RIMBP2: variants seen among roughly 807,000 people sequenced by gnomAD.
The protein encoded by RIMBP2 is RIMS-binding protein 2.
RIMBP2 carries 48 observed loss-of-function variants against 118.6 expected under a neutral mutation model. The observed-to-expected ratio is 0.40, with a 90% CI of 0.32 to 0.51. The LOEUF (loss-of-function observed/expected upper bound fraction) is 0.51. Among genes scored for constraint, RIMBP2 ranks in the 20% least tolerant of loss-of-function variants. RIMBP2 has a pLI of 0.41. For missense variants in RIMBP2, 1,551 were observed against 1,768.3 expected (o/e 0.88, Z 2.20); for synonymous variants, 762 against 742.9 (o/e 1.03, Z -0.42).
intron 1 of RIMBP2, among the ~76,000 whole-genome samples, chr12:130,629,694 CAA>C (rs1314935198): frequency 1.3e-5 from 2 of 152,094 alleles, no homozygotes; most frequent in East Asian, 3.9e-4. Flanking sequence ...TCAAACTAGG[CAA>C]GAGACTGGAA....
chr12:130,546,496 G>A (rs972806973), intron 2 of RIMBP2, among the ~76,000 whole-genome samples: 5 of 151,972 alleles, frequency 3.3e-5, no homozygotes, highest in African/African-American at 7.3e-5. Context: ...GGGTTTTGCC[G>A]TGTTGGCCAG....
intron 1 of RIMBP2, among the ~76,000 whole-genome samples, chr12:130,643,389 G>A (rs1418127294): frequency 6.6e-6 from 1 of 152,198 alleles, no homozygotes; most frequent in East Asian, 1.9e-4. Context: ...GGAAGGCGGA[G>A]CCCAAACCTC....
chr12:130,548,728 C>T (rs1022115442), intron 2 of RIMBP2, among the ~76,000 whole-genome samples: 19 of 152,002 alleles, frequency 1.2e-4, no homozygotes, highest in Non-Finnish European at 5.9e-5. Context: ...CTCCCACCAC[C>T]GTGCCTGGCT....
intron 1 of RIMBP2, among the ~76,000 whole-genome samples, chr12:130,645,884 G>A (rs1391575367): frequency 6.6e-6 from 1 of 152,150 alleles, no homozygotes; most frequent in Non-Finnish European, 1.5e-5. Flanking sequence ...AGTCTTCCTT[G>A]CCTAACTAAA....
At chr12:130,597,778 T>C (rs183418588) in intron 2 of RIMBP2, among the ~76,000 whole-genome samples, 2 of 152,208 alleles carry the variant, frequency 1.3e-5, no homozygotes, top group Non-Finnish European at 2.9e-5. Flanking sequence ...TACTTGCAAT[T>C]AACAACCTTA....
intron 2 of RIMBP2, among the ~76,000 whole-genome samples, chr12:130,619,630 A>C (rs917806058): frequency 2.6e-5 from 4 of 152,216 alleles, no homozygotes; most frequent in African/African-American, 9.6e-5. Flanking sequence ...GCGACTGATC[A>C]GTGTGGATCT....
intron 1 of RIMBP2, among the ~76,000 whole-genome samples, chr12:130,639,164 G>A (rs1211913287): frequency 6.8e-6 from 1 of 147,908 alleles, no homozygotes; most frequent in African/African-American, 2.5e-5. Context: ...GAGGCGGGTA[G>A]ATCACCTGAG....
At chr12:130,631,807 T>G (rs2062012550) in intron 1 of RIMBP2, among the ~76,000 whole-genome samples, 2 of 152,222 alleles carry the variant, frequency 1.3e-5, no homozygotes. Context: ...AGCACGAGAT[T>G]GTTTCCATAT....
In RIMBP2 at chr12:130,576,882, G is replaced by A. The variant is rs1280512309; in HGVS notation, c.-217+51440C>T. Among the ~76,000 whole-genome samples, 2 of 152,206 alleles carry A rather than the reference G, an allele frequency of 1.3e-5. No homozygotes were observed. The highest frequency in any genetic ancestry group is 4.8e-5 in the African/African-American group (2 of 41,450). On this transcript the variant is annotated intron_variant, in intron 2 of 22. Transcript: ENST00000690449. This position sits in a 1 kb window ranked among gnomAD's most constrained non-coding sequence, Gnocchi z 4.2. Reference sequence around the variant, plus strand: ...AAATATCTCCATGTAGAAAGAGACCGACAGTGTGGCAGGAGTCGCGGGGTG... The same window carrying A: ...AAATATCTCCATGTAGAAAGAGACCAACAGTGTGGCAGGAGTCGCGGGGTG...
intron 2 of RIMBP2, among the ~76,000 whole-genome samples, chr12:130,554,319 AAGTACCTAGCACACAGGAAG>A (rs1254461983): frequency 6.6e-6 from 1 of 152,182 alleles, no homozygotes; most frequent in Non-Finnish European, 1.5e-5. Flanking sequence ...ACGTTTGCTA[AAGTACCTAGCACACAGGAAG>A]TGCCCAGGGA....
At chr12:130,398,470 T>G (rs1037875299) in intron 22 of RIMBP2, 5 of 152,696 alleles carry the variant, frequency 3.3e-5, no homozygotes, top group East Asian at 1.9e-4. Flanking sequence ...ATACCATCTA[T>G]TCCATCTAAT....
intron 2 of RIMBP2, among the ~76,000 whole-genome samples, chr12:130,540,418 T>C (rs534022795): frequency 3.3e-5 from 5 of 152,328 alleles, no homozygotes; most frequent in Middle Eastern, 3.4e-3. Flanking sequence ...CTGACGTTTA[T>C]GGATTCTTTG....
At chr12:130,465,732 T>A (rs2080408966) in intron 6 of RIMBP2, 1 of 152,270 alleles carries the variant, frequency 6.6e-6, no homozygotes, top group Non-Finnish European at 1.5e-5. Flanking sequence ...CCTGCATTCC[T>A]GCCCTCTGCT....
chr12:130,458,383 C>G (rs748418742), intron 6 of RIMBP2, among the ~76,000 whole-genome samples: 2 of 152,126 alleles, frequency 1.3e-5, no homozygotes, highest in East Asian at 1.9e-4. Context: ...GGAACCCAAG[C>G]CCAGGGACAG....
intron 11 of RIMBP2, among the ~76,000 whole-genome samples, chr12:130,439,425 A>ATGTGTATG (rs2077850248): frequency 7.2e-6 from 1 of 139,794 alleles, no homozygotes; most frequent in African/African-American, 2.7e-5. Context: ...ATATGGGTAT[A>ATGTGTATG]TGTGTATGTG....
intron 6 of RIMBP2, among the ~76,000 whole-genome samples, chr12:130,464,136 A>C (rs556463162): frequency 1.8e-4 from 28 of 152,240 alleles, no homozygotes; most frequent in African/African-American, 6.5e-4. Context: ...ATCAAGAAAC[A>C]ACCACGAATA....
Position 130,442,493 on chromosome 12 carries a change from G to A in RIMBP2, c.859C>T (p.Pro287Ser), listed in dbSNP as rs776302959. The A allele has an allele frequency of 6.2e-6, 10 of 1,614,064 alleles. No individual in the cohort carries two copies. The South Asian group carries it at 6.6e-5, about 11-fold the overall frequency. ...EGEHILDLHS[P>S]THIDAGITDN... ...GTGATGCCCGCATCTATGTGGGTTG[G>A]GGAGTGGAGGTCCAGGATGTGCTCT... The change falls in exon 11 of 23, where the codon CCA becomes TCA. Residue 287 changes from proline (P) to serine (S), a missense_variant. Pro to Ser is a moderately conservative substitution (Grantham distance 74). This residue lies in a region of RIMBP2 where 265 missense variants were observed against 349.5 expected (regional missense o/e 0.76). Coordinates refer to ENST00000690449, the MANE Select transcript of RIMBP2 (RefSeq NM_001393629.1). This position sits in a 1 kb window ranked among gnomAD's most constrained non-coding sequence, Gnocchi z 6.9.
chr12:130,663,169 G>C (rs2063733177), intron 1 of RIMBP2, among the ~76,000 whole-genome samples: 1 of 152,154 alleles, frequency 6.6e-6, no homozygotes, highest in Non-Finnish European at 1.5e-5. Flanking sequence ...ACAGGGTGGA[G>C]GGAGGGCTGG....
intron 2 of RIMBP2, among the ~76,000 whole-genome samples, chr12:130,545,951 G>T (rs766593925): frequency 3.9e-5 from 6 of 152,142 alleles, no homozygotes; most frequent in Non-Finnish European, 5.9e-5. Context: ...CATTCTCAGC[G>T]CAGTAGGGAA....
Sources: gnomAD v4.1 joint callset for allele counts (sites outside exome capture counted in the v4.1 genomes callset) on GRCh38, gnomAD v4.1.1 for gene constraint, gnomAD v4.1.1 regional missense constraint, Gnocchi (gnomAD v3.1) non-coding constraint, MANE v1.5 for transcripts, NCBI Gene and HGNC (gene_info 2026-07-23, HGNC 2026-07-21) for gene names.